DCHS1: variants seen among roughly 807,000 people sequenced by gnomAD.
DCHS1 encodes dachsous cadherin-related 1.
DCHS1 carries 78 observed loss-of-function variants against 213.9 expected under a neutral mutation model. The observed-to-expected ratio is 0.36, with a 90% CI of 0.30 to 0.44. The LOEUF is 0.44. DCHS1 is among the 20% of genes least tolerant of loss of function. The pLI is 1.00. For missense variants in DCHS1, 3,946 were observed against 4,395.9 expected (o/e 0.90, Z 2.89); for synonymous variants, 1,828 against 1,873.7 (o/e 0.98, Z 0.63).
chr11:6,623,815 G>A lies in DCHS1; in HGVS notation c.7861C>T (p.Leu2621=). ...GCGTCAGAGGCCTCTACATGCAGCAGCTCAGCTCCAACAGGTGTGTCCTCA... is the reference window on the plus strand; with the variant it reads ...GCGTCAGAGGCCTCTACATGCAGCAACTCAGCTCCAACAGGTGTGTCCTCA... ...VPEDTPVGAE[L]LHVEASDADP... is the part of the protein sequence containing the mutation. The change falls in exon 21 of 21, where the codon CTG becomes TTG. Residue 2621 remains leucine (L), a synonymous_variant. Coordinates refer to ENST00000299441, the MANE Select transcript of DCHS1 (RefSeq NM_003737.4). 6.2e-7 allele frequency: 1 copy of A among 1,613,788 alleles called. No homozygotes were observed. The highest frequency in any genetic ancestry group is 8.5e-7 in the Non-Finnish European group (1 of 1,179,702).
In DCHS1 at chr11:6,621,964, G is replaced by A. The variant is rs1473562113; in HGVS notation, c.9712C>T (p.Pro3238Ser). 1 of 1,613,706 alleles carries A rather than the reference G, an allele frequency of 6.2e-7. No homozygotes were observed. Among genetic ancestry groups the A allele is most frequent in the Admixed American group, 1.7e-5 (1 of 59,998 alleles). The change falls in exon 21 of 21, where the codon CCC becomes TCC. Residue 3238 changes from proline to serine, a missense_variant. Physicochemically the swap from Pro to Ser is moderately conservative, Grantham distance 74. Transcript: ENST00000299441. ...AIFPPASHRSPISHEGSLSSA... is the reference protein window; with the variant it reads ...AIFPPASHRSSISHEGSLSSA... ...GACAGGGAGCCTTCATGGCTGATGG[G>A]GGAGCGGTGAGAAGCTGGTGGGAAG...
intron 1 of DCHS1, among the ~76,000 whole-genome samples, chr11:6,652,830 C>G (rs935360523): frequency 6.6e-6 from 1 of 152,174 alleles, no homozygotes; most frequent in Non-Finnish European, 1.5e-5. Context: ...CCCACCATGT[C>G]TGCTTTGTCA....
Position 6,626,258 on chromosome 11 carries a change from C to T in DCHS1, c.6487G>A (p.Asp2163Asn), listed in dbSNP as rs1365981245. 3 of 1,612,878 alleles carry T rather than the reference C, an allele frequency of 1.9e-6. No individual in the cohort carries two copies. The African/African-American group carries it at 4.0e-5, about 22-fold the overall frequency. ...AFTVLTLTLQ[D>N]ANDNAPRFLR... is the part of the protein sequence containing the mutation. The stretch of plus-strand genomic sequence containing the variant: ...AAACGGGGAGCATTGTCGTTGGCAT[C>T]TTGCAGGGTCAGGGTCAGCACAGTG... Residue 2163 changes from aspartate to asparagine, a missense_variant, in exon 16 of 21, where the codon GAT becomes AAT. By Grantham distance (23) the Asp-to-Asn change is conservative (BLOSUM62 1). Coordinates refer to ENST00000299441, the MANE Select transcript of DCHS1 (RefSeq NM_003737.4). The surrounding 1 kb of genome is among the most constrained non-coding windows in gnomAD (Gnocchi z 5.2).
Position 6,624,109 on chromosome 11 carries a change from T to G in DCHS1, c.7567A>C (p.Ile2523Leu), listed in dbSNP as rs1403319773. Reference protein sequence around the residue: ...RSHAAVDYSIISGNWGRVFQL... With the variant: ...RSHAAVDYSILSGNWGRVFQL... ...AAGACTCGGCCCCAGTTGCCACTGA[T>G]GATGCTGTAGTCCACAGCGGCATGG... The change falls in exon 21 of 21, where the codon ATC becomes CTC. Residue 2523 changes from isoleucine to leucine, a missense_variant. Coordinates refer to ENST00000299441, the MANE Select transcript of DCHS1 (RefSeq NM_003737.4). 1.2e-6 allele frequency: 2 copies of G among 1,612,066 alleles called. No homozygotes were observed. The highest frequency in any genetic ancestry group is 1.7e-6 in the Non-Finnish European group (2 of 1,179,206).
Position 6,633,549 on chromosome 11 carries a change from C to T in DCHS1, c.2318G>A (p.Ser773Asn), listed in dbSNP as rs1167209542. 6.3e-7 allele frequency: 1 copy of T among 1,590,000 alleles called. No homozygotes were observed. The highest frequency in any genetic ancestry group is 8.6e-7 in the Non-Finnish European group (1 of 1,168,034). The change falls in exon 5 of 21, where the codon AGT (serine) becomes AAT (asparagine). Residue 773 changes from serine (S) to asparagine (N), a missense_variant. This residue lies in a region of DCHS1 where 3,384 missense variants were observed against 3,780.1 expected (regional missense o/e 0.90). Coordinates refer to ENST00000299441, the MANE Select transcript of DCHS1 (RefSeq NM_003737.4). ...CACAATGCTGATGTCCACTCGGGCA[C>T]TGGGTTCTGCCTGTAGGCCACCTCC... is the stretch of plus-strand genomic sequence containing the variant. The part of the protein sequence containing the change: ...EDGGGLQAEP[S>N]ARVDISIVPG...
rs1855849138 is a variant in DCHS1 at position 6,628,600 on chromosome 11, TG to T, written c.5371+20del. 6.2e-7 allele frequency: 1 copy of T among 1,612,996 alleles called. No individual in the cohort carries two copies. Among genetic ancestry groups the T allele is most frequent in the African/African-American group, 1.3e-5 (1 of 74,872 alleles). On this transcript the variant is annotated intron_variant, in intron 13 of 20. Coordinates refer to ENST00000299441, the MANE Select transcript of DCHS1 (RefSeq NM_003737.4). The surrounding 1 kb of genome is among the most constrained non-coding windows in gnomAD (Gnocchi z 4.3). ...CCAGGCAAGTGGGTGCTGAATTAAG[TG>T]GGAGTGGGAAGGTTCTCACCTAGGA...
chr11:6,636,342 T>A (rs1855985833), intron 2 of DCHS1, among the ~76,000 whole-genome samples: 1 of 152,132 alleles, frequency 6.6e-6, no homozygotes, highest in Non-Finnish European at 1.5e-5. Context: ...CCGGAACAAC[T>A]AGGACTACAG....
chr11:6,647,251 T>C (rs1012340711), intron 1 of DCHS1, among the ~76,000 whole-genome samples: 12 of 152,118 alleles, frequency 7.9e-5, no homozygotes, highest in South Asian at 4.2e-4. Context: ...TGACTGTGTA[T>C]GGCAGAGGAA....
Position 6,628,607 on chromosome 11 carries a change from G to A in DCHS1, c.5371+14C>T, listed in dbSNP as rs1855849243. 2 of 1,613,586 alleles carry A rather than the reference G, an allele frequency of 1.2e-6. No homozygotes were observed. The highest frequency in any genetic ancestry group is 2.2e-5 in the East Asian group (1 of 44,882). The stretch of plus-strand genomic sequence containing the variant: ...AGTGGGTGCTGAATTAAGTGGGAGT[G>A]GGAAGGTTCTCACCTAGGATGCGGT... On this transcript the variant is annotated intron_variant, in intron 13 of 20. Coordinates refer to ENST00000299441, the MANE Select transcript of DCHS1 (RefSeq NM_003737.4). The surrounding 1 kb of genome is among the most constrained non-coding windows in gnomAD (Gnocchi z 4.3).
Position 6,641,346 on chromosome 11 carries a change from T to C in DCHS1, c.268A>G (p.Thr90Ala), listed in dbSNP as rs1856070949. ...CTGTGTTCGTCAATGGCCAGGTCTG[T>C]GCCCACGCCGCTGCCCTCTTGGGCA... ...ISAQEGSGVG[T>A]DLAIDEHSGV... is the part of the protein sequence containing the mutation. The change falls in exon 2 of 21, where the codon ACA (threonine) becomes GCA (alanine). Residue 90 changes from threonine to alanine, a missense_variant. This residue lies in a region of DCHS1 where 3,384 missense variants were observed against 3,780.1 expected (regional missense o/e 0.90). Coordinates refer to ENST00000299441, the MANE Select transcript of DCHS1 (RefSeq NM_003737.4). The surrounding 1 kb of genome is among the most constrained non-coding windows in gnomAD (Gnocchi z 7.1). 6.2e-7 allele frequency: 1 copy of C among 1,613,446 alleles called. No individual in the cohort carries two copies. The highest frequency in any genetic ancestry group is 1.3e-5 in the African/African-American group (1 of 74,914).
intron 2 of DCHS1, 42 bp downstream of exon 2, chr11:6,639,775 G>A: frequency 6.6e-7 from 1 of 1,510,270 alleles, no homozygotes; most frequent in Non-Finnish European, 9.0e-7. Flanking sequence ...GTGGCTCTCA[G>A]ATTCCCCCAA....
chr11:6,622,290 G>A lies in DCHS1; in HGVS notation c.9386C>T (p.Pro3129Leu), dbSNP rs1286292237. 2 of 1,606,390 alleles carry A rather than the reference G, an allele frequency of 1.2e-6. No individual in the cohort carries two copies. Among genetic ancestry groups the A allele is most frequent in the Non-Finnish European group, 1.7e-6 (2 of 1,176,726 alleles). The stretch of plus-strand genomic sequence containing the variant: ...TGCTGGGAAGCCATAGTCCCCAGTG[G>A]GTGCAGGGCTCAGGCCACAGCCCCC... ...FLGGCGLSPAPTGDYGFPADG... is the reference protein window; with the variant it reads ...FLGGCGLSPALTGDYGFPADG... The change falls in exon 21 of 21, where the codon CCC becomes CTC. Residue 3129 changes from proline to leucine, a missense_variant. Transcript: ENST00000299441. The surrounding 1 kb of genome is among the most constrained non-coding windows in gnomAD (Gnocchi z 5.4).
Position 6,621,512 on chromosome 11 carries a change from C to A in DCHS1, c.*267G>T, listed in dbSNP as rs543645531. 1.7e-6 allele frequency: 1 copy of A among 600,700 alleles called. No homozygotes were observed. The highest frequency in any genetic ancestry group is 1.8e-5 in the African/African-American group (1 of 54,980). The allele number at this position is 600,700 out of a possible 1,614,324, so 37.2% of individuals were successfully genotyped here. On this transcript the variant is annotated 3_prime_UTR_variant, in exon 21 of 21. Coordinates refer to ENST00000299441, the MANE Select transcript of DCHS1 (RefSeq NM_003737.4). ...TCCATCTCAGGGTGCTGGTGCAGGG[C>A]AGGGATCCCTCACTGAGGAGAACCC... is the stretch of plus-strand genomic sequence containing the variant.
chr11:6,641,327 T>C lies in DCHS1; in HGVS notation c.287A>G (p.Glu96Gly). 1 of 1,613,648 alleles carries C rather than the reference T, an allele frequency of 6.2e-7. No homozygotes were observed. The highest frequency in any genetic ancestry group is 8.5e-7 in the Non-Finnish European group (1 of 1,179,884). Reference sequence around the variant, plus strand: ...GGCTGTACGGACGACCCCACTGTGTTCGTCAATGGCCAGGTCTGTGCCCAC... The same window carrying C: ...GGCTGTACGGACGACCCCACTGTGTCCGTCAATGGCCAGGTCTGTGCCCAC... Reference protein sequence around the residue: ...SGVGTDLAIDEHSGVVRTARV... With the variant: ...SGVGTDLAIDGHSGVVRTARV... The change falls in exon 2 of 21, where the codon GAA becomes GGA. Residue 96 changes from glutamate (E) to glycine (G), a missense_variant. Glu to Gly is a moderately conservative substitution (Grantham distance 98). This residue lies in a region of DCHS1 where 3,384 missense variants were observed against 3,780.1 expected (regional missense o/e 0.90). Transcript: ENST00000299441. This position sits in a 1 kb window ranked among gnomAD's most constrained non-coding sequence, Gnocchi z 7.1.
In DCHS1 at chr11:6,640,640, C is replaced by T. The variant is rs1013076803; in HGVS notation, c.974G>A (p.Arg325Gln). 5.6e-6 allele frequency: 9 copies of T among 1,611,950 alleles called. No individual in the cohort carries two copies. Among genetic ancestry groups the T allele is most frequent in the South Asian group, 3.3e-5 (3 of 91,094 alleles). ...TTGCACCACCAGTTCATGGACCCGC[C>T]GCTGCTCAAAGTCCAGTGGCCGCTC... Reference protein sequence around the residue: ...QLERPLDFEQRRVHELVVQAR... With the variant: ...QLERPLDFEQQRVHELVVQAR... The change falls in exon 2 of 21, where the codon CGG (arginine) becomes CAG (glutamine). Residue 325 changes from arginine (R) to glutamine (Q), a missense_variant. Arg to Gln is a conservative substitution (Grantham distance 43). Transcript: ENST00000299441. This position sits in a 1 kb window ranked among gnomAD's most constrained non-coding sequence, Gnocchi z 6.5.
chr11:6,624,722 A>G lies in DCHS1; in HGVS notation c.7285+8T>C. ...AAAGGCAAGGGGCAGATCCTGGGAA[A>G]GACGCACCATTGTTGGGGTCAACAC... is the stretch of plus-strand genomic sequence containing the variant. On this transcript the variant is annotated splice_region_variant and intron_variant, in intron 20 of 20. Coordinates refer to ENST00000299441, the MANE Select transcript of DCHS1 (RefSeq NM_003737.4). The G allele has an allele frequency of 6.2e-7, 1 of 1,613,930 alleles. No individual in the cohort carries two copies. Among genetic ancestry groups the G allele is most frequent in the Non-Finnish European group, 8.5e-7 (1 of 1,179,852 alleles).
rs766624649 is a variant in DCHS1 at position 6,622,254 on chromosome 11, G to A, written c.9422C>T (p.Pro3141Leu). 12 of 1,603,510 alleles carry A rather than the reference G, an allele frequency of 7.5e-6. No individual in the cohort carries two copies. In the Admixed American group the frequency reaches 1.2e-4, roughly 16 times the overall value. ...GGCTGTCAGCGCACCTGCCACACAT[G>A]GCTTGCCATCTGCTGGGAAGCCATA... ...GDYGFPADGK[P>L]CVAGALTAIV... Residue 3141 changes from proline (P) to leucine (L), a missense_variant, in exon 21 of 21, where the codon CCA becomes CTA. Pro to Leu is a moderately conservative substitution (Grantham distance 98). This residue lies in a region of DCHS1 where 554 missense variants were observed against 590.2 expected (regional missense o/e 0.94). Transcript: ENST00000299441. The surrounding 1 kb of genome is among the most constrained non-coding windows in gnomAD (Gnocchi z 5.4).
At chr11:6,639,109 C>CAA (rs36017764) in intron 2 of DCHS1, among the ~76,000 whole-genome samples, 6 of 141,704 alleles carry the variant, frequency 4.2e-5, no homozygotes, top group African/African-American at 1.4e-4. Flanking sequence ...GACTCCGCCT[C>CAA]AAAAAAAAAA....
chr11:6,640,744 C>A lies in DCHS1; in HGVS notation c.870G>T (p.Val290=). Reference sequence around the variant, plus strand: ...TCTGCCTCCGGTTGATCTCGTAAGTCACAGCCCCATTGACACCAGCATCGG... The same window carrying A: ...TCTGCCTCCGGTTGATCTCGTAAGTAACAGCCCCATTGACACCAGCATCGG... ...SDADAGVNGA[V]TYEINRRQSE... Residue 290 remains valine, a synonymous_variant, in exon 2 of 21, where the codon GTG becomes GTT. Transcript: ENST00000299441. The surrounding 1 kb of genome is among the most constrained non-coding windows in gnomAD (Gnocchi z 6.5). 6.2e-7 allele frequency: 1 copy of A among 1,614,016 alleles called. No homozygotes were observed. The highest frequency in any genetic ancestry group is 8.5e-7 in the Non-Finnish European group (1 of 1,179,904).
Sources: gnomAD v4.1 joint callset for allele counts (sites outside exome capture counted in the v4.1 genomes callset) on GRCh38, gnomAD v4.1.1 for gene constraint, gnomAD v4.1.1 regional missense constraint, Gnocchi (gnomAD v3.1) non-coding constraint, MANE v1.5 for transcripts, NCBI Gene and HGNC (gene_info 2026-07-23, HGNC 2026-07-21) for gene names.